The following ANO4 variants were observed in gnomAD, a reference collection of about 807,000 sequenced individuals.
ANO4 encodes the protein anoctamin 4.
ANO4 carries 69 observed loss-of-function variants against 141.9 expected under a neutral mutation model. The ratio of observed to expected loss-of-function variants is 0.49; its 90% CI spans 0.40 to 0.59. ANO4 has a LOEUF of 0.59. Among genes scored for constraint, ANO4 ranks in the 20% least tolerant of loss-of-function variants. ANO4 has a pLI of 0.00. For synonymous variants in ANO4, 350 were observed against 394.3 expected (o/e 0.89, Z 1.33); for missense variants, 894 against 1,162.2 (o/e 0.77, Z 3.36).
intron 23 of ANO4, among the ~76,000 whole-genome samples, chr12:101,110,833 TTTA>T (rs1379147896): frequency 1.3e-5 from 2 of 152,220 alleles, no homozygotes; most frequent in Admixed American, 1.3e-4. Flanking sequence ...AAAATTTAGA[TTTA>T]TTATCACTTA....
At chr12:100,989,971 C>G (rs1203568470) in intron 8 of ANO4, among the ~76,000 whole-genome samples, 1 of 56,168 alleles carries the variant, frequency 1.8e-5, no homozygotes, top group Non-Finnish European at 3.8e-5. Context: ...ATGGATAGGT[C>G]ACCAGATGGA....
chr12:101,081,185 G>C (rs1056699690), intron 15 of ANO4, among the ~76,000 whole-genome samples: 1 of 151,888 alleles, frequency 6.6e-6, no homozygotes, highest in Non-Finnish European at 1.5e-5. Context: ...CATGGGAACA[G>C]TTCCCAGTGG....
Position 101,099,563 on chromosome 12 carries a change from G to A in ANO4, c.2007-15G>A. On this transcript the variant is annotated splice_polypyrimidine_tract_variant and intron_variant, in intron 21 of 27. Coordinates refer to ENST00000392977, the MANE Select transcript of ANO4 (RefSeq NM_001286615.2). ...TCAGTTACATTTTTTGTAAGAAATTGATCTTTTTGCCCAGGTTAATTCAGA... is the reference window on the plus strand; with the variant it reads ...TCAGTTACATTTTTTGTAAGAAATTAATCTTTTTGCCCAGGTTAATTCAGA... 6.3e-7 allele frequency: 1 copy of A among 1,579,262 alleles called. No homozygotes were observed. The highest frequency in any genetic ancestry group is 8.6e-7 in the Non-Finnish European group (1 of 1,169,348).
intron 9 of ANO4, among the ~76,000 whole-genome samples, chr12:101,036,887 C>T (rs187063936): frequency 4.6e-5 from 7 of 152,212 alleles, no homozygotes; most frequent in East Asian, 3.9e-4. Flanking sequence ...CTTTATTTGA[C>T]GGTCAAATAT....
chr12:100,981,459 G>GAAGA (rs1208766941), intron 7 of ANO4, among the ~76,000 whole-genome samples: 2 of 150,788 alleles, frequency 1.3e-5, no homozygotes, highest in East Asian at 2.0e-4. Flanking sequence ...AGGAAGGAAG[G>GAAGA]AAGAAAGGAA....
At chr12:100,850,697 G>A (rs185729985) in intron 1 of ANO4, among the ~76,000 whole-genome samples, 122 of 148,756 alleles carry the variant, frequency 8.2e-4, no homozygotes, top group Non-Finnish European at 1.4e-3. Flanking sequence ...TAAAAATTTA[G>A]GAAATTCAGA....
At chr12:100,820,200 G>T (rs995035128) in intron 1 of ANO4, among the ~76,000 whole-genome samples, 4 of 151,790 alleles carry the variant, frequency 2.6e-5, no homozygotes, top group Admixed American at 6.6e-5. Context: ...CCTCCCACCT[G>T]ACCTCAGCCT....
At chr12:100,765,473 G>A (rs2033036667) in intron 3 of ANO4, among the ~76,000 whole-genome samples, 1 of 148,352 alleles carries the variant, frequency 6.7e-6, no homozygotes, top group South Asian at 2.1e-4. Context: ...CAGCCTTCCA[G>A]GCTTAAACAA....
intron 8 of ANO4, 41 bp from the exon 9 acceptor site, chr12:101,019,993 C>CCGA (rs751192588): frequency 1.4e-5 from 21 of 1,512,570 alleles, no homozygotes; most frequent in Non-Finnish European, 1.9e-5. Context: ...TCCTTCACCT[C>CCGA]CGATTAATTC....
At chr12:101,026,569 A>G (rs1323768494) in intron 9 of ANO4, among the ~76,000 whole-genome samples, 1 of 152,190 alleles carries the variant, frequency 6.6e-6, no homozygotes, top group Non-Finnish European at 1.5e-5. Flanking sequence ...GAAAGGACCT[A>G]GAATAGCCAA....
intron 9 of ANO4, among the ~76,000 whole-genome samples, chr12:101,031,006 A>G (rs1407085300): frequency 6.6e-6 from 1 of 152,232 alleles, no homozygotes; most frequent in Non-Finnish European, 1.5e-5. Flanking sequence ...TACCAGAGGT[A>G]CAAAGAGAAG....
At chr12:101,087,942 C>T (rs1424197348) in intron 17 of ANO4, among the ~76,000 whole-genome samples, 1 of 152,178 alleles carries the variant, frequency 6.6e-6, no homozygotes, top group Admixed American at 6.6e-5. Flanking sequence ...ACTGGTCTCC[C>T]AGCTTTCACA....
At chr12:100,919,670 C>CTGTGTGTG (rs63330161) in intron 2 of ANO4, among the ~76,000 whole-genome samples, 136 of 139,862 alleles carry the variant, frequency 9.7e-4, no homozygotes, top group African/African-American at 3.4e-3. Flanking sequence ...GGACATGTCT[C>CTGTGTGTG]TGTGTGTGTG....
chr12:101,106,284 G>A (rs990011984), intron 22 of ANO4, among the ~76,000 whole-genome samples: 3 of 152,010 alleles, frequency 2.0e-5, no homozygotes, highest in Non-Finnish European at 4.4e-5. Flanking sequence ...ATTTGTAAGA[G>A]AAGTCCTAGA....
intron 9 of ANO4, among the ~76,000 whole-genome samples, chr12:101,036,017 AAAAT>A (rs1236436728): frequency 5.3e-5 from 8 of 152,194 alleles, no homozygotes; most frequent in African/African-American, 1.7e-4. Flanking sequence ...TAGAAGGAAA[AAAAT>A]GTTAAAAGTT....
chr12:100,749,523 C>T (rs1237393252), intron 3 of ANO4, among the ~76,000 whole-genome samples: 1 of 152,124 alleles, frequency 6.6e-6, no homozygotes, highest in East Asian at 1.9e-4. Flanking sequence ...TTATCGATTC[C>T]AGCGGAGTCC....
intron 1 of ANO4, among the ~76,000 whole-genome samples, chr12:100,732,785 C>T (rs1813934726): frequency 6.6e-6 from 1 of 152,194 alleles, no homozygotes; most frequent in South Asian, 2.1e-4. Context: ...CACTCAGCCA[C>T]CTGGATTCTC....
intron 1 of ANO4, among the ~76,000 whole-genome samples, chr12:100,724,296 G>A (rs1282432741): frequency 6.6e-6 from 1 of 152,198 alleles, no homozygotes; most frequent in Non-Finnish European, 1.5e-5. Context: ...GGTGATTCAA[G>A]TATTTGAAAG....
At chr12:100,956,783 C>G (rs1427805680) in intron 5 of ANO4, among the ~76,000 whole-genome samples, 1 of 152,208 alleles carries the variant, frequency 6.6e-6, no homozygotes, top group East Asian at 1.9e-4. Flanking sequence ...TCAAGGGGAT[C>G]TCCCCCAACT....
Sources: allele counts gnomAD v4.1 joint callset (sites outside exome capture counted in the v4.1 genomes callset), GRCh38; gene constraint gnomAD v4.1.1; transcripts MANE v1.5; gene names NCBI Gene and HGNC (gene_info 2026-07-23, HGNC 2026-07-21).